Variants in SLC15A2 observed in about 807,000 individuals in gnomAD.
SLC15A2 encodes kidney H(+)/peptide cotransporter.
Under a neutral mutation model 95.5 loss-of-function variants are expected in SLC15A2, and 77 were observed. The observed-to-expected ratio is 0.81, with a 90% CI of 0.67 to 0.97. The LOEUF is 0.97. Among genes scored for constraint, SLC15A2 ranks in the 50% least tolerant of loss-of-function variants. SLC15A2 has a pLI of 0.00. For missense variants in SLC15A2, 893 were observed against 874.4 expected (o/e 1.02, Z -0.27); for synonymous variants, 306 against 306.9 (o/e 1.00, Z 0.03).
At chr3:121,935,785 G>C (rs2107610454) in intron 19 of SLC15A2, among the ~76,000 whole-genome samples, 1 of 152,126 alleles carries the variant, frequency 6.6e-6, no homozygotes, top group East Asian at 1.9e-4. Context: ...TCTGATTTTA[G>C]TTATTTCTTG....
intron 15 of SLC15A2, 34 bp downstream of exon 15, chr3:121,928,589 G>C: frequency 6.2e-7 from 1 of 1,604,114 alleles, no homozygotes; most frequent in Non-Finnish European, 8.5e-7. Context: ...TAGAAACTCT[G>C]TATGCTATAT....
At position 121,942,520 on chromosome 3, in the gene SLC15A2, C is replaced by CT. The variant is rs1390427251; in HGVS notation, c.*1514dup. ...CTGTTAACAGGTAAGAGAAATTGCT[C>CT]TAAGTGCCCAAACTTTATATACTTC... is the stretch of plus-strand genomic sequence containing the variant. On this transcript the variant is annotated 3_prime_UTR_variant, in exon 22 of 22. Coordinates refer to ENST00000489711, the MANE Select transcript of SLC15A2 (RefSeq NM_021082.4). 6.6e-6 allele frequency: 1 copy of CT among 152,170 alleles called. No homozygotes were observed. The highest frequency in any genetic ancestry group is 1.9e-4 in the East Asian group (1 of 5,202). 9.4% of individuals were successfully genotyped at this position (152,170 alleles called of 1,614,324 possible). A position where few individuals can be genotyped will look rare whatever the true frequency, so the allele number is the denominator to read the frequency against.
chr3:121,927,829 T>C lies in SLC15A2; in HGVS notation c.1196T>C (p.Ile399Thr). 6.2e-7 allele frequency: 1 copy of C among 1,612,298 alleles called. No homozygotes were observed. Among genetic ancestry groups the C allele is most frequent in the South Asian group, 1.1e-5 (1 of 91,046 alleles). The change falls in exon 14 of 22, where the codon ATA becomes ACA. Residue 399 changes from isoleucine (I) to threonine (T), a missense_variant. Transcript: ENST00000489711. Reference sequence around the variant, plus strand: ...TTTGCAGTTGCGGCAGCTGTAGAGATAAAAATAAATGTGAGTTCAGTAATT... The same window carrying C: ...TTTGCAGTTGCGGCAGCTGTAGAGACAAAAATAAATGTGAGTTCAGTAATT... The part of the protein sequence containing the change: ...LAFAVAAAVE[I>T]KINEMAPAQP...
In SLC15A2 at chr3:121,941,030, A is replaced by G. The variant is rs772562183; in HGVS notation, c.*23A>G. On this transcript the variant is annotated 3_prime_UTR_variant, in exon 22 of 22. Transcript: ENST00000489711. ...TGATGACTCCCTAGATTCTGTCCTG[A>G]CCCCAATTCCTGGCCCTGTCTTGAA... The G allele has an allele frequency of 6.3e-7, 1 of 1,599,682 alleles. No individual in the cohort carries two copies. The highest frequency in any genetic ancestry group is 1.1e-5 in the South Asian group (1 of 88,352).
chr3:121,918,775 G>A (rs1709946551), intron 7 of SLC15A2, among the ~76,000 whole-genome samples: 1 of 152,210 alleles, frequency 6.6e-6, no homozygotes, highest in South Asian at 2.1e-4. Context: ...GGTGACAGAT[G>A]TCTATTAAAT....
rs573241295 is a variant in SLC15A2, at chr3:121,932,760, A to G, written c.1761+1025A>G. Among the ~76,000 whole-genome samples, 38 of 151,974 alleles carry G rather than the reference A, an allele frequency of 2.5e-4. No individual in the cohort carries two copies. In the East Asian group the frequency reaches 3.1e-3, roughly 12 times the overall value. ...ATTAACTTGATCCCTTTGGTGTGCC[A>G]TTTTTTTTCTATTATTATACTTTAA... is the stretch of plus-strand genomic sequence containing the variant. On this transcript the variant is annotated intron_variant, in intron 19 of 21. Coordinates refer to ENST00000489711, the MANE Select transcript of SLC15A2 (RefSeq NM_021082.4).
chr3:121,906,077 G>C (rs932593782), intron 3 of SLC15A2, among the ~76,000 whole-genome samples: 2 of 152,184 alleles, frequency 1.3e-5, no homozygotes, highest in Admixed American at 1.3e-4. Context: ...TCTTCTTGTT[G>C]AATTGATCCC....
chr3:121,934,842 A>G (rs1352584110), intron 19 of SLC15A2, among the ~76,000 whole-genome samples: 1 of 151,886 alleles, frequency 6.6e-6, no homozygotes, highest in Admixed American at 6.6e-5. Flanking sequence ...GTCTTGTGCC[A>G]GTTTTCAAAG....
chr3:121,905,327 G>T (rs1270132147), intron 3 of SLC15A2, among the ~76,000 whole-genome samples: 2 of 152,078 alleles, frequency 1.3e-5, no homozygotes, highest in Non-Finnish European at 2.9e-5. Context: ...TTTTTGAAGG[G>T]TTTTTTGTGT....
chr3:121,932,551 G>C (rs889964808), intron 19 of SLC15A2, among the ~76,000 whole-genome samples: 6 of 152,136 alleles, frequency 3.9e-5, no homozygotes, highest in African/African-American at 1.4e-4. Context: ...TGTCCTAGCA[G>C]TCAGGGCAGA....
chr3:121,915,327 T>G lies in SLC15A2; in HGVS notation c.619+10T>G, dbSNP rs1479682124. 4 of 1,596,396 alleles carry G rather than the reference T, an allele frequency of 2.5e-6. No individual in the cohort carries two copies. The Admixed American group carries it at 5.0e-5, about 20-fold the overall frequency. ...ACACCCATGCTGAGAGGTTAGGATT[T>G]TTTTGAGGGGCCCTGTATAAGGCTT... On this transcript the variant is annotated intron_variant, in intron 6 of 21. Coordinates refer to ENST00000489711, the MANE Select transcript of SLC15A2 (RefSeq NM_021082.4).
intron 7 of SLC15A2, among the ~76,000 whole-genome samples, chr3:121,917,308 G>A (rs555323059): frequency 1.3e-5 from 2 of 152,242 alleles, no homozygotes; most frequent in Admixed American, 1.3e-4. Context: ...TTACAATATG[G>A]TATGATCAGT....
chr3:121,925,033 C>T lies in SLC15A2; in HGVS notation c.1124C>T (p.Ser375Leu), dbSNP rs1339657136. ...RLVSKCGINF[S>L]SLRKMAVGMI... Reference sequence around the variant, plus strand: ...GTCTCCAAGTGTGGAATTAACTTCTCGTAAGTGTTCACTATGTCTGTATGG... The same window carrying T: ...GTCTCCAAGTGTGGAATTAACTTCTTGTAAGTGTTCACTATGTCTGTATGG... The change falls in exon 13 of 22, where the codon TCA becomes TTA. Residue 375 changes from serine to leucine, a missense_variant and splice_region_variant. Transcript: ENST00000489711. 11 of 1,599,384 alleles carry T rather than the reference C, an allele frequency of 6.9e-6. No individual in the cohort carries two copies. Among genetic ancestry groups the T allele is most frequent in the African/African-American group, 6.7e-5 (5 of 74,616 alleles).
At chr3:121,933,646 T>C (rs1176317558) in intron 19 of SLC15A2, among the ~76,000 whole-genome samples, 6 of 151,534 alleles carry the variant, frequency 4.0e-5, no homozygotes, top group East Asian at 1.9e-4. Context: ...GAGTTCATTG[T>C]AGATTCTGGA....
intron 7 of SLC15A2, among the ~76,000 whole-genome samples, chr3:121,921,639 G>C (rs1030975013): frequency 1.3e-5 from 2 of 152,050 alleles, no homozygotes; most frequent in Non-Finnish European, 1.5e-5. Context: ...CATGCCAGGA[G>C]TTTGGGTCAG....
intron 1 of SLC15A2, 131 bp downstream of exon 1, chr3:121,894,712 C>A: frequency 1.8e-6 from 1 of 567,560 alleles, no homozygotes; most frequent in South Asian, 3.3e-5. Context: ...ATTTAGAATT[C>A]ACCTGAAACC....
intron 4 of SLC15A2, 130 bp downstream of exon 4, chr3:121,911,796 C>T (rs1709772806): frequency 3.0e-6 from 2 of 674,236 alleles, no homozygotes; most frequent in African/African-American, 1.8e-5. Context: ...TTAAGAAAAA[C>T]AGTCTTATGA....
intron 13 of SLC15A2, 70 bp from the exon 14 acceptor site, chr3:121,927,688 G>A: frequency 9.0e-7 from 1 of 1,114,676 alleles, no homozygotes; most frequent in South Asian, 1.2e-5. Context: ...TTAATAATAG[G>A]CTACAGAGTT....
chr3:121,930,865 G>A lies in SLC15A2; in HGVS notation c.1579G>A (p.Val527Ile). 6.2e-7 allele frequency: 1 copy of A among 1,612,700 alleles called. No individual in the cohort carries two copies. Among genetic ancestry groups the A allele is most frequent in the Non-Finnish European group, 8.5e-7 (1 of 1,178,772 alleles). Reference protein sequence around the residue: ...VRFVNTLHKDVNISLSTDTSL... With the variant: ...VRFVNTLHKDINISLSTDTSL... The stretch of plus-strand genomic sequence containing the variant: ...GTTTGTTAACACTTTGCATAAAGAT[G>A]TCAACATCTCCCTGAGTACAGATAC... Residue 527 changes from valine to isoleucine, a missense_variant, in exon 18 of 22, where the codon GTC (valine) becomes ATC (isoleucine). By Grantham distance (29) the Val-to-Ile change is conservative (BLOSUM62 3). Transcript: ENST00000489711.
Sources: gnomAD v4.1 joint callset for allele counts (sites outside exome capture counted in the v4.1 genomes callset) on GRCh38, gnomAD v4.1.1 for gene constraint, MANE v1.5 for transcripts, NCBI Gene and HGNC (gene_info 2026-07-23, HGNC 2026-07-21) for gene names.